The following FGGY variants were observed in gnomAD, a reference collection of about 807,000 sequenced individuals.
FGGY encodes the protein FGGY carbohydrate kinase domain containing.
In FGGY, 72 loss-of-function variants were observed where a neutral mutation model predicts 71.3. The ratio of observed to expected loss-of-function variants is 1.01; its 90% CI spans 0.84 to 1.23. The LOEUF (loss-of-function observed/expected upper bound fraction) is 1.23, where lower values mean the gene tolerates loss of function less well. FGGY is among the 50% of genes most tolerant of loss of function. FGGY has a pLI of 0.00. For synonymous variants in FGGY, 251 were observed against 250.3 expected (o/e 1.00, Z -0.02); for missense variants, 668 against 682.3 (o/e 0.98, Z 0.23).
intron 9 of FGGY, among the ~76,000 whole-genome samples, chr1:59,619,368 A>G (rs2096787182): frequency 6.6e-6 from 1 of 152,116 alleles, no homozygotes; most frequent in African/African-American, 2.4e-5. Context: ...ACTTTATGGT[A>G]TAAGTTATTA....
intron 15 of FGGY, among the ~76,000 whole-genome samples, chr1:59,759,344 T>G (rs2098322770): frequency 6.6e-6 from 1 of 152,160 alleles, no homozygotes; most frequent in Admixed American, 6.5e-5. Context: ...AGGCATTGCG[T>G]AGGGGAGCTC....
chr1:59,642,991 C>T (rs142079150), intron 11 of FGGY, among the ~76,000 whole-genome samples: 7,098 of 145,728 alleles, frequency 0.049, 254 homozygotes, highest in African/African-American at 0.1. Context: ...GCCAAGATCA[C>T]GCCACTGCAC....
rs148029754 is a variant in FGGY at position 59,683,241 on chromosome 1, A to G, written c.1512+9108A>G. 6.8e-4 allele frequency among the ~76,000 whole-genome samples: 104 copies of G among 152,334 alleles called. 2 individuals carry two copies. Among genetic ancestry groups the G allele is most frequent in the African/African-American group, 2.5e-3 (103 of 41,586 alleles). ...TTACAGACAAGAAACAGGGCCAGAA[A>G]GTTTAAGTAATGTGCCTGTGGTCTA... On this transcript the variant is annotated intron_variant, in intron 14 of 15. Transcript: ENST00000303721.
At chr1:59,709,067 T>TAC (rs1231692864) in intron 14 of FGGY, among the ~76,000 whole-genome samples, 48 of 152,136 alleles carry the variant, frequency 3.2e-4, no homozygotes, top group African/African-American at 9.6e-4. Context: ...TACACACACA[T>TAC]ACACACACAC....
At chr1:59,584,501 G>A (rs1449438314) in intron 8 of FGGY, among the ~76,000 whole-genome samples, 2 of 149,854 alleles carry the variant, frequency 1.3e-5, no homozygotes, top group African/African-American at 5.0e-5. Flanking sequence ...AATAAATTAG[G>A]TATTGATGGG....
At chr1:59,458,868 C>G (rs1348200777) in intron 6 of FGGY, among the ~76,000 whole-genome samples, 1 of 152,198 alleles carries the variant, frequency 6.6e-6, no homozygotes. Flanking sequence ...GCTGTTTATT[C>G]TCAGTTGTGA....
intron 14 of FGGY, among the ~76,000 whole-genome samples, chr1:59,735,447 G>A (rs1457217673): frequency 6.6e-6 from 1 of 152,220 alleles, no homozygotes; most frequent in African/African-American, 2.4e-5. Flanking sequence ...TCTTCTCTGA[G>A]TATTGTTGGT....
chr1:59,435,391 C>G (rs763814918), intron 5 of FGGY, among the ~76,000 whole-genome samples: 4 of 152,202 alleles, frequency 2.6e-5, no homozygotes, highest in Non-Finnish European at 4.4e-5. Flanking sequence ...CCTGAGGGAT[C>G]TGAAAATGCA....
In FGGY at chr1:59,420,416, G is replaced by C. The variant is rs117496220; in HGVS notation, c.555-36545G>C. Among the ~76,000 whole-genome samples, 48 of 152,302 alleles carry C rather than the reference G, an allele frequency of 3.2e-4. No homozygotes were observed. The East Asian group carries it at 8.9e-3, about 28-fold the overall frequency. On this transcript the variant is annotated intron_variant, in intron 5 of 15. Coordinates refer to ENST00000303721, the MANE Select transcript of FGGY (RefSeq NM_018291.5). ...GGAGTTGGGTATGTACTTCCCACGTGTTGTGAAAACAGGGCTCTATTACCT... is the reference window on the plus strand; with the variant it reads ...GGAGTTGGGTATGTACTTCCCACGTCTTGTGAAAACAGGGCTCTATTACCT...
At position 59,321,710 on chromosome 1, in the gene FGGY, C is replaced by T. The variant is rs773592418; in HGVS notation, c.161C>T (p.Ser54Phe). The T allele has an allele frequency of 1.9e-6, 3 of 1,612,678 alleles. No homozygotes were observed. The highest frequency in any genetic ancestry group is 1.3e-5 in the African/African-American group (1 of 75,036). ...CCCCAGTTCAACCACCATGAGCAGT[C>T]CTCCGAGGACATCTGGGCTGCGTGC... ...WEPQFNHHEQ[S>F]SEDIWAACCV... The change falls in exon 2 of 16, where the codon TCC becomes TTC. Residue 54 changes from serine to phenylalanine, a missense_variant. By Grantham distance (155) the Ser-to-Phe change is radical (BLOSUM62 -2). Around this residue, in one of 2 missense-constraint regions of FGGY, gnomAD observed 661 missense variants for 661.6 expected, o/e 1.00. Transcript: ENST00000303721.
intron 14 of FGGY, among the ~76,000 whole-genome samples, chr1:59,705,120 A>G (rs758533721): frequency 1.3e-5 from 2 of 151,928 alleles, no homozygotes; most frequent in African/African-American, 4.8e-5. Context: ...TCCTTTCCTC[A>G]TTGATTTAGA....
chr1:59,595,508 G>T (rs560701634), intron 8 of FGGY, among the ~76,000 whole-genome samples: 1 of 152,170 alleles, frequency 6.6e-6, no homozygotes, highest in Non-Finnish European at 1.5e-5. Context: ...AGCCAATATG[G>T]CGAAACCCCA....
intron 1 of FGGY, among the ~76,000 whole-genome samples, chr1:59,311,828 A>C (rs1167193031): frequency 1.3e-5 from 2 of 151,938 alleles, no homozygotes; most frequent in African/African-American, 4.8e-5. Context: ...ACTGCCTTCT[A>C]CTCTTCCACA....
At chr1:59,723,004 A>G (rs1326393192) in intron 14 of FGGY, among the ~76,000 whole-genome samples, 2 of 152,052 alleles carry the variant, frequency 1.3e-5, no homozygotes, top group South Asian at 4.2e-4. Flanking sequence ...TCACCATGTT[A>G]GCCAGGATGG....
intron 5 of FGGY, among the ~76,000 whole-genome samples, chr1:59,421,585 C>A (rs374239259): frequency 1.3e-5 from 2 of 151,580 alleles, no homozygotes; most frequent in East Asian, 3.9e-4. Flanking sequence ...CCTTTCTCCC[C>A]CACTGCCCCA....
At chr1:59,299,077 G>T (rs1011354293) in intron 1 of FGGY, among the ~76,000 whole-genome samples, 16 of 152,214 alleles carry the variant, frequency 1.1e-4, no homozygotes, top group Non-Finnish European at 5.9e-5. Flanking sequence ...ACTCCCAGGA[G>T]TTGAGAGAAG....
intron 8 of FGGY, among the ~76,000 whole-genome samples, chr1:59,606,889 AT>A: frequency 6.6e-6 from 1 of 152,102 alleles, no homozygotes; most frequent in Non-Finnish European, 1.5e-5. Flanking sequence ...CTATTTGTCT[AT>A]TTTTTTGTAT....
intron 7 of FGGY, among the ~76,000 whole-genome samples, chr1:59,518,188 T>A (rs1027682313): frequency 6.6e-5 from 10 of 152,196 alleles, no homozygotes; most frequent in African/African-American, 2.4e-4. Flanking sequence ...ATGGAAGAAT[T>A]TATTGAGCCA....
At chr1:59,423,306 G>A (rs1390582209) in intron 5 of FGGY, among the ~76,000 whole-genome samples, 2 of 152,032 alleles carry the variant, frequency 1.3e-5, no homozygotes, top group African/African-American at 2.4e-5. Flanking sequence ...TCTCCTAGGT[G>A]GTTCACCCAT....
Sources: gnomAD v4.1 joint callset for allele counts (sites outside exome capture counted in the v4.1 genomes callset) on GRCh38, gnomAD v4.1.1 for gene constraint, gnomAD v4.1.1 regional missense constraint, MANE v1.5 for transcripts, NCBI Gene and HGNC (gene_info 2026-07-23, HGNC 2026-07-21) for gene names.